AGAP1: variants seen among roughly 807,000 people sequenced by gnomAD.
AGAP1 encodes the protein ArfGAP with GTPase domain, ankyrin repeat and PH domain 1.
A neutral mutation model predicts 105.3 loss-of-function variants in AGAP1; 29 were observed. The ratio of observed to expected loss-of-function variants is 0.28; its 90% CI spans 0.21 to 0.38. The LOEUF is 0.38. Ranked by LOEUF, AGAP1 falls within the 10% of genes least tolerant of loss-of-function variation. AGAP1 has a pLI of 1.00. For missense variants in AGAP1, 998 were observed against 1,165.1 expected (o/e 0.86, Z 2.09); for synonymous variants, 509 against 485.9 (o/e 1.05, Z -0.63).
At position 235,830,375 on chromosome 2, in the gene AGAP1, G is replaced by A. The variant is rs1262684616; in HGVS notation, c.1050+23044G>A. 1.3e-5 allele frequency among the ~76,000 whole-genome samples: 2 copies of A among 152,226 alleles called. No individual in the cohort carries two copies. The highest frequency in any genetic ancestry group is 2.9e-5 in the Non-Finnish European group (2 of 68,036). On this transcript the variant is annotated intron_variant, in intron 9 of 17. Transcript: ENST00000304032. This position sits in a 1 kb window ranked among gnomAD's most constrained non-coding sequence, Gnocchi z 5.5. Reference sequence around the variant, plus strand: ...TAGATGTGTGCTGTCACTTAGCAGTGTCCACTGTCTTTCTTCAAATCAAGG... The same window carrying A: ...TAGATGTGTGCTGTCACTTAGCAGTATCCACTGTCTTTCTTCAAATCAAGG...
intron 1 of AGAP1, among the ~76,000 whole-genome samples, chr2:235,702,153 T>A (rs1045851729): frequency 1.3e-5 from 2 of 152,070 alleles, no homozygotes; most frequent in African/African-American, 4.8e-5. Context: ...GGGGCTGGGC[T>A]GGGGGTGAAC....
intron 1 of AGAP1, among the ~76,000 whole-genome samples, chr2:235,695,439 A>C (rs543998107): frequency 6.6e-6 from 1 of 152,344 alleles, no homozygotes; most frequent in East Asian, 1.9e-4. Flanking sequence ...TCTTGAAGAC[A>C]GCTTCCTTCA....
intron 10 of AGAP1, among the ~76,000 whole-genome samples, chr2:235,907,950 C>G (rs1311151865): frequency 6.6e-6 from 1 of 151,924 alleles, no homozygotes; most frequent in African/African-American, 2.4e-5. Context: ...GTCTCATTAC[C>G]AGAAATAATA....
intron 1 of AGAP1, among the ~76,000 whole-genome samples, chr2:235,656,878 G>A (rs192491909): frequency 1.1e-4 from 16 of 152,266 alleles, no homozygotes; most frequent in African/African-American, 2.9e-4. Flanking sequence ...GAAAGGAAAA[G>A]GAGAGGCATC....
rs1235569380 is a variant in AGAP1, at chr2:235,722,174, T to C, written c.310+4530T>C. On this transcript the variant is annotated intron_variant, in intron 3 of 17. Transcript: ENST00000304032. Reference sequence around the variant, plus strand: ...GCGTGCTCACACGTGTGTGTGCACATCTGGGTGTGTAATATATGTATGTGT... The same window carrying C: ...GCGTGCTCACACGTGTGTGTGCACACCTGGGTGTGTAATATATGTATGTGT... Among the ~76,000 whole-genome samples, 62 of 152,128 alleles carry C rather than the reference T, an allele frequency of 4.1e-4. 2 individuals carry two copies. The highest frequency in any genetic ancestry group is 2.4e-4 in the Non-Finnish European group (16 of 68,018).
At chr2:235,617,953 G>A (rs1010046556) in intron 1 of AGAP1, among the ~76,000 whole-genome samples, 1 of 152,080 alleles carries the variant, frequency 6.6e-6, no homozygotes, top group Non-Finnish European at 1.5e-5. Context: ...GTGGTGCTGT[G>A]GGTTTGTAGG....
rs1369599976 is a variant in AGAP1, at chr2:235,971,748, T to TATTA, written c.1645+3128_1645+3129insAATT. On this transcript the variant is annotated intron_variant, in intron 13 of 17. Coordinates refer to ENST00000304032, the MANE Select transcript of AGAP1 (RefSeq NM_001037131.3). The surrounding 1 kb of genome is among the most constrained non-coding windows in gnomAD (Gnocchi z 4.8). ...CTAGTTATATATGTTTTATTTTATTTATTTATTTATTTATTTATTTATTTA... is the reference window on the plus strand; with the variant it reads ...CTAGTTATATATGTTTTATTTTATTTATTAATTTATTTATTTATTTATTTATTTA... Among the ~76,000 whole-genome samples, 7 of 110,900 alleles carry TATTA rather than the reference T, an allele frequency of 6.3e-5. No individual in the cohort carries two copies. Among genetic ancestry groups the TATTA allele is most frequent in the African/African-American group, 2.1e-4 (7 of 34,078 alleles). 72.8% of individuals were successfully genotyped at this position (110,900 alleles called of 152,430 possible).
chr2:235,517,385 C>T lies in AGAP1; in HGVS notation c.163+22536C>T, dbSNP rs1942432940. Reference sequence around the variant, plus strand: ...CCTGGTGGTTTCTGAGGATTTGTCACTGATGTAGTAGCATCACGAGTGTTT... The same window carrying T: ...CCTGGTGGTTTCTGAGGATTTGTCATTGATGTAGTAGCATCACGAGTGTTT... On this transcript the variant is annotated intron_variant, in intron 1 of 17. Transcript: ENST00000304032. The surrounding 1 kb of genome is among the most constrained non-coding windows in gnomAD (Gnocchi z 4.1). 6.6e-6 allele frequency among the ~76,000 whole-genome samples: 1 copy of T among 152,194 alleles called. No individual in the cohort carries two copies.
At position 236,089,540 on chromosome 2, in the gene AGAP1, G is replaced by C; in HGVS notation, c.2115-30652G>C. ...TGCCGTTGATGAGACCCAAAGTCTG[G>C]AACGAATCTGGTTCCATATAGAGTT... On this transcript the variant is annotated intron_variant, in intron 16 of 17. Coordinates refer to ENST00000304032, the MANE Select transcript of AGAP1 (RefSeq NM_001037131.3). This position sits in a 1 kb window ranked among gnomAD's most constrained non-coding sequence, Gnocchi z 5.6. Among the ~76,000 whole-genome samples, 1 of 152,224 alleles carries C rather than the reference G, an allele frequency of 6.6e-6. No individual in the cohort carries two copies. The highest frequency in any genetic ancestry group is 1.9e-4 in the East Asian group (1 of 5,194).
At position 235,994,630 on chromosome 2, in the gene AGAP1, C is replaced by T. The variant is rs973431270; in HGVS notation, c.1645+26007C>T. The stretch of plus-strand genomic sequence containing the variant: ...TTCAGTCCCGACTTTCCCAACGCCT[C>T]GCAGCCCGATGATACAGAGACGGGG... On this transcript the variant is annotated intron_variant, in intron 13 of 17. Transcript: ENST00000304032. This position sits in a 1 kb window ranked among gnomAD's most constrained non-coding sequence, Gnocchi z 4.4. 1.3e-4 allele frequency among the ~76,000 whole-genome samples: 20 copies of T among 152,260 alleles called. No individual in the cohort carries two copies. Among genetic ancestry groups the T allele is most frequent in the African/African-American group, 3.9e-4 (16 of 41,548 alleles).
chr2:235,636,943 A>C (rs1417591138), intron 1 of AGAP1, among the ~76,000 whole-genome samples: 3 of 152,132 alleles, frequency 2.0e-5, no homozygotes, highest in African/African-American at 4.8e-5. Context: ...AAGGATAACC[A>C]GACAGCCGCC....
intron 6 of AGAP1, among the ~76,000 whole-genome samples, chr2:235,781,500 T>C (rs562694633): frequency 6.6e-6 from 1 of 152,364 alleles, no homozygotes; most frequent in South Asian, 2.1e-4. Context: ...CTGTGCTGAA[T>C]TATGGATGTT....
In AGAP1 at chr2:235,982,743, T is replaced by C. The variant is rs773271747; in HGVS notation, c.1645+14120T>C. On this transcript the variant is annotated intron_variant, in intron 13 of 17. Transcript: ENST00000304032. This position sits in a 1 kb window ranked among gnomAD's most constrained non-coding sequence, Gnocchi z 4.9. Reference sequence around the variant, plus strand: ...CAGACTTCCACCATTGTGCCCTGAGTGGTTCCAGAATGTCATTGATGGGAA... The same window carrying C: ...CAGACTTCCACCATTGTGCCCTGAGCGGTTCCAGAATGTCATTGATGGGAA... Among the ~76,000 whole-genome samples, 1 of 152,162 alleles carries C rather than the reference T, an allele frequency of 6.6e-6. No individual in the cohort carries two copies. Among genetic ancestry groups the C allele is most frequent in the Non-Finnish European group, 1.5e-5 (1 of 68,022 alleles).
At chr2:236,065,408 T>A (rs1402359627) in intron 16 of AGAP1, among the ~76,000 whole-genome samples, 3 of 152,096 alleles carry the variant, frequency 2.0e-5, no homozygotes, top group Non-Finnish European at 4.4e-5. Flanking sequence ...CCGTGGGCGG[T>A]TTTCATCTGG....
intron 6 of AGAP1, among the ~76,000 whole-genome samples, chr2:235,765,869 G>A (rs1327724317): frequency 6.6e-6 from 1 of 152,206 alleles, no homozygotes; most frequent in Non-Finnish European, 1.5e-5. Context: ...ATTATTCAAT[G>A]AAAAGTCCAA....
At chr2:235,886,098 G>A (rs564714925) in intron 10 of AGAP1, among the ~76,000 whole-genome samples, 2 of 152,238 alleles carry the variant, frequency 1.3e-5, no homozygotes, top group East Asian at 1.9e-4. Flanking sequence ...CAACAGCGAG[G>A]CACCAGGTCT....
At position 235,976,584 on chromosome 2, in the gene AGAP1, G is replaced by A. The variant is rs1440105090; in HGVS notation, c.1645+7961G>A. ...ACCACACACAAACTTAAAGGGGTTA[G>A]ATTCAGGTCCAAAAATGTTCATTGA... On this transcript the variant is annotated intron_variant, in intron 13 of 17. Transcript: ENST00000304032. The surrounding 1 kb of genome is among the most constrained non-coding windows in gnomAD (Gnocchi z 4.5). 6.6e-6 allele frequency among the ~76,000 whole-genome samples: 1 copy of A among 152,224 alleles called. No individual in the cohort carries two copies. Among genetic ancestry groups the A allele is most frequent in the East Asian group, 1.9e-4 (1 of 5,198 alleles).
chr2:235,988,468 C>A lies in AGAP1; in HGVS notation c.1645+19845C>A, dbSNP rs1026547588. 6.6e-6 allele frequency among the ~76,000 whole-genome samples: 1 copy of A among 152,226 alleles called. No individual in the cohort carries two copies. Among genetic ancestry groups the A allele is most frequent in the African/African-American group, 2.4e-5 (1 of 41,532 alleles). On this transcript the variant is annotated intron_variant, in intron 13 of 17. Coordinates refer to ENST00000304032, the MANE Select transcript of AGAP1 (RefSeq NM_001037131.3). The surrounding 1 kb of genome is among the most constrained non-coding windows in gnomAD (Gnocchi z 4.7). Reference sequence around the variant, plus strand: ...CCTTAAATGCCACCCCCAACCCCCGCCCCGAAGTCAGGAAGTGATTTCTGA... The same window carrying A: ...CCTTAAATGCCACCCCCAACCCCCGACCCGAAGTCAGGAAGTGATTTCTGA...
At chr2:235,968,921 A>C (rs1378698582) in intron 13 of AGAP1, among the ~76,000 whole-genome samples, 1 of 152,002 alleles carries the variant, frequency 6.6e-6, no homozygotes, top group Non-Finnish European at 1.5e-5. Context: ...GTCTCGCCCC[A>C]CCCTGGCAGC....
Sources: gnomAD v4.1 joint callset for allele counts (sites outside exome capture counted in the v4.1 genomes callset) on GRCh38, gnomAD v4.1.1 for gene constraint, Gnocchi (gnomAD v3.1) non-coding constraint, MANE v1.5 for transcripts, NCBI Gene and HGNC (gene_info 2026-07-23, HGNC 2026-07-21) for gene names.